Variants in ADGRL3 observed in about 807,000 individuals in gnomAD.
ADGRL3 encodes the protein calcium-independent alpha-latrotoxin receptor 3.
In ADGRL3, 62 loss-of-function variants were observed where a neutral mutation model predicts 153.5. The observed-to-expected ratio is 0.40, with a 90% CI of 0.33 to 0.50. The LOEUF is 0.50. Among genes scored for constraint, ADGRL3 ranks in the 20% least tolerant of loss-of-function variants. ADGRL3 has a pLI of 0.47. For missense variants in ADGRL3, 1,641 were observed against 1,859.4 expected, an observed-to-expected ratio of 0.88 and a Z score of 2.16; for synonymous variants, 710 against 672.5, an observed-to-expected ratio of 1.06 and a Z score of -0.86.
At chr4:61,464,977 C>T (rs2152632920) in intron 2 of ADGRL3, among the ~76,000 whole-genome samples, 1 of 152,260 alleles carries the variant, frequency 6.6e-6, no homozygotes, top group African/African-American at 2.4e-5. Context: ...CCAAAAAACT[C>T]TGGGGTCTCC....
chr4:61,328,245 T>G (rs987861010), intron 1 of ADGRL3, among the ~76,000 whole-genome samples: 4 of 152,172 alleles, frequency 2.6e-5, no homozygotes, highest in Admixed American at 2.6e-4. Context: ...ACTTCAATTT[T>G]AAATCCTAAT....
At chr4:61,318,509 A>C (rs2095284103) in intron 1 of ADGRL3, among the ~76,000 whole-genome samples, 1 of 152,124 alleles carries the variant, frequency 6.6e-6, no homozygotes, top group African/African-American at 2.4e-5. Flanking sequence ...TGAACCATGA[A>C]GTAGTGTAAT....
At chr4:61,689,080 G>T (rs1561066783) in intron 6 of ADGRL3, among the ~76,000 whole-genome samples, 1 of 152,158 alleles carries the variant, frequency 6.6e-6, no homozygotes, top group Non-Finnish European at 1.5e-5. Flanking sequence ...TGAGCTCACT[G>T]GGTTATTTTG....
intron 1 of ADGRL3, among the ~76,000 whole-genome samples, chr4:61,251,878 TA>T (rs768990925): frequency 4.9e-4 from 66 of 134,932 alleles, no homozygotes; most frequent in African/African-American, 1.2e-3. Context: ...TTTTTTTTTT[TA>T]ATTTTTTTAT....
chr4:61,863,674 G>A (rs925084378), intron 9 of ADGRL3, among the ~76,000 whole-genome samples: 3 of 125,360 alleles, frequency 2.4e-5, no homozygotes, highest in Non-Finnish European at 5.6e-5. Context: ...TTAATAGAAG[G>A]CTTACAAATA....
chr4:61,903,650 C>CAAAGAAA (rs2098678017), intron 11 of ADGRL3, among the ~76,000 whole-genome samples: 1 of 72,342 alleles, frequency 1.4e-5, no homozygotes, highest in Non-Finnish European at 2.2e-5. Context: ...TGGGAAACAG[C>CAAAGAAA]AAAAAAAAAA....
At chr4:61,603,728 G>GTGTT (rs34997041) in intron 5 of ADGRL3, among the ~76,000 whole-genome samples, 33,960 of 151,478 alleles carry the variant, frequency 0.22, 4,072 homozygotes, top group African/African-American at 0.29. Context: ...GTGTGTGTGT[G>GTGTT]TGTTTGTTTG....
chr4:61,438,874 A>AT (rs2097490369), intron 2 of ADGRL3, among the ~76,000 whole-genome samples: 2 of 151,624 alleles, frequency 1.3e-5, no homozygotes, highest in African/African-American at 4.8e-5. Context: ...CGCCCGGCTA[A>AT]TTTTTTGTAT....
chr4:61,662,340 C>A (rs1477891036), intron 5 of ADGRL3, among the ~76,000 whole-genome samples: 2 of 152,242 alleles, frequency 1.3e-5, no homozygotes, highest in Non-Finnish European at 2.9e-5. Context: ...AGACCCTTTG[C>A]CCCTGCAGGC....
At chr4:61,588,108 T>C (rs948190367) in intron 5 of ADGRL3, among the ~76,000 whole-genome samples, 1 of 151,730 alleles carries the variant, frequency 6.6e-6, no homozygotes, top group African/African-American at 2.4e-5. Context: ...TATGTTAAAA[T>C]GTCTTGATAA....
intron 9 of ADGRL3, among the ~76,000 whole-genome samples, chr4:61,819,650 A>G (rs1226342059): frequency 6.6e-6 from 1 of 152,154 alleles, no homozygotes; most frequent in African/African-American, 2.4e-5. Flanking sequence ...ATGAAACAAA[A>G]ACATTTAAAA....
At chr4:61,856,585 TTTC>T (rs1561366681) in intron 9 of ADGRL3, among the ~76,000 whole-genome samples, 1 of 73,104 alleles carries the variant, frequency 1.4e-5, no homozygotes, top group African/African-American at 4.3e-5. Flanking sequence ...CTCTCTCTTT[TTTC>T]TCTCTCTCTC....
chr4:61,375,367 T>C (rs2096591174), intron 1 of ADGRL3, among the ~76,000 whole-genome samples: 1 of 152,192 alleles, frequency 6.6e-6, no homozygotes, highest in Non-Finnish European at 1.5e-5. Context: ...GGATTTTTTC[T>C]TAAGTAGAGC....
chr4:61,380,887 A>G (rs565685866), intron 1 of ADGRL3, among the ~76,000 whole-genome samples: 1 of 152,028 alleles, frequency 6.6e-6, no homozygotes, highest in South Asian at 2.1e-4. Flanking sequence ...CAGTCGTATT[A>G]CTTTTTACTG....
At chr4:61,673,491 T>C (rs550399757) in intron 5 of ADGRL3, among the ~76,000 whole-genome samples, 63 of 151,860 alleles carry the variant, frequency 4.1e-4, no homozygotes, top group African/African-American at 1.4e-3. Flanking sequence ...ATTAGATTAC[T>C]TTATCTCACT....
At chr4:62,016,080 C>T (rs1030526511) in intron 21 of ADGRL3, among the ~76,000 whole-genome samples, 4 of 151,384 alleles carry the variant, frequency 2.6e-5, no homozygotes, top group African/African-American at 9.7e-5. Context: ...GATGGAGTCT[C>T]GCTCTGTCAC....
At chr4:61,811,503 G>A (rs752785137) in intron 8 of ADGRL3, among the ~76,000 whole-genome samples, 1 of 152,022 alleles carries the variant, frequency 6.6e-6, no homozygotes, top group Non-Finnish European at 1.5e-5. Flanking sequence ...AATGAGGAGC[G>A]ACTACTAATG....
chr4:61,211,266 T>TCAGGAAAAATTGGATA (rs1235870900), intron 1 of ADGRL3, among the ~76,000 whole-genome samples: 1 of 152,142 alleles, frequency 6.6e-6, no homozygotes, highest in Non-Finnish European at 1.5e-5. Context: ...TACTTAGGTA[T>TCAGGAAAAATTGGATA]CAGGAAAAAT....
intron 19 of ADGRL3, among the ~76,000 whole-genome samples, chr4:61,993,162 A>ATTT (rs2099109180): frequency 1.7e-5 from 1 of 58,632 alleles, no homozygotes; most frequent in Admixed American, 2.4e-4. Flanking sequence ...CATGGGCTGC[A>ATTT]GTTGTGTGTG....
Sources: gnomAD v4.1 joint callset for allele counts (sites outside exome capture counted in the v4.1 genomes callset) on GRCh38, gnomAD v4.1.1 for gene constraint, MANE v1.5 for transcripts, NCBI Gene and HGNC (gene_info 2026-07-23, HGNC 2026-07-21) for gene names.